Variants in SLC36A1 observed in about 807,000 individuals in gnomAD.
SLC36A1 encodes proton-coupled amino acid transporter 1.
A neutral mutation model predicts 47.5 loss-of-function variants in SLC36A1; 30 were observed. The ratio of observed to expected loss-of-function variants is 0.63; its 90% CI spans 0.47 to 0.86. The LOEUF (loss-of-function observed/expected upper bound fraction) is 0.86. SLC36A1 is among the 40% of genes least tolerant of loss of function. The pLI is 0.00. For synonymous variants in SLC36A1, 255 were observed against 249.7 expected (o/e 1.02, Z -0.20); for missense variants, 517 against 606.0 (o/e 0.85, Z 1.54).
chr5:151,507,924 G>A, the SLC36A1 span, among the ~76,000 whole-genome samples: 1 of 152,168 alleles, frequency 6.6e-6, no homozygotes, highest in Non-Finnish European at 1.5e-5. Flanking sequence ...TATCACTGCA[G>A]TAGAGACATC....
At chr5:151,468,677 G>A (rs900661193) in intron 7 of SLC36A1, among the ~76,000 whole-genome samples, 29 of 151,770 alleles carry the variant, frequency 1.9e-4, no homozygotes, top group African/African-American at 5.6e-4. Context: ...TCCAGACATT[G>A]CCAAACCTTC....
chr5:151,459,894 G>A (rs1755254565), intron 2 of SLC36A1: 1 of 152,232 alleles, frequency 6.6e-6, no homozygotes, highest in African/African-American at 2.4e-5. Flanking sequence ...GCGAACTGGG[G>A]TGGAACTAGA....
At chr5:151,517,073 A>C in the SLC36A1 span, among the ~76,000 whole-genome samples, 1 of 151,170 alleles carries the variant, frequency 6.6e-6, no homozygotes, top group East Asian at 1.9e-4. Flanking sequence ...ACACCACTGC[A>C]CTCCAGCCTC....
chr5:151,545,131 T>C, the SLC36A1 span: 1 of 1,614,164 alleles, frequency 6.2e-7, no homozygotes. Context: ...GGAAAGGGTG[T>C]CATTCAAATG....
At chr5:151,385,154 G>A in the SLC36A1 span, among the ~76,000 whole-genome samples, 3 of 151,992 alleles carry the variant, frequency 2.0e-5, no homozygotes, top group Admixed American at 1.3e-4. Context: ...TGAGTACCAC[G>A]CTTTTTGAAT....
the SLC36A1 span, among the ~76,000 whole-genome samples, chr5:151,395,343 C>T: frequency 6.6e-6 from 1 of 152,240 alleles, no homozygotes; most frequent in Admixed American, 6.5e-5. Flanking sequence ...TCCCTGACCC[C>T]TTGCGCTTCC....
the SLC36A1 span, chr5:151,517,542 G>T: frequency 6.4e-7 from 1 of 1,557,802 alleles, no homozygotes. Context: ...TGGGCTTCCT[G>T]ACATTCCTCA....
chr5:151,525,897 G>T, the SLC36A1 span: 5 of 1,614,170 alleles, frequency 3.1e-6, no homozygotes, highest in Admixed American at 8.3e-5. Flanking sequence ...AGTAGGGGGG[G>T]CCATTCTCTG....
chr5:151,367,800 G>A, the SLC36A1 span, among the ~76,000 whole-genome samples: 5 of 152,100 alleles, frequency 3.3e-5, no homozygotes, highest in Admixed American at 1.3e-4. Flanking sequence ...AGCTTCAGCC[G>A]GTCCCTCTGT....
chr5:151,522,048 C>T, the SLC36A1 span: 17 of 1,604,634 alleles, frequency 1.1e-5, no homozygotes, highest in Middle Eastern at 1.7e-4. Context: ...CACGGACAGA[C>T]GTCAAAGACG....
At chr5:151,396,101 T>C in the SLC36A1 span, among the ~76,000 whole-genome samples, 50 of 151,616 alleles carry the variant, frequency 3.3e-4, no homozygotes, top group African/African-American at 1.2e-3. Flanking sequence ...TGAGCCACTG[T>C]ACCTGGACTT....
At position 151,473,523 on chromosome 5, in the gene SLC36A1, C is replaced by T. The variant is rs185962556; in HGVS notation, c.724-150C>T. 2.5e-4 allele frequency: 152 copies of T among 605,648 alleles called. No individual in the cohort carries two copies. In the African/African-American group the frequency reaches 2.7e-3, roughly 11 times the overall value. The allele number at this position is 605,648 out of a possible 1,614,324, so 37.5% of individuals were successfully genotyped here. ...AGAAAAACATACAAAGGTTAAATGT[C>T]CCTAAATCATCTGTCAGGTATTAGA... On this transcript the variant is annotated intron_variant, in intron 7 of 10. Transcript: ENST00000243389.
the SLC36A1 span, among the ~76,000 whole-genome samples, chr5:151,351,382 C>CAA: frequency 3.1e-5 from 4 of 128,050 alleles, no homozygotes; most frequent in Non-Finnish European, 5.0e-5. Flanking sequence ...AACTCTGTCT[C>CAA]AAAAAAAAAA....
chr5:151,437,138 C>G (rs2127437715), exon 1 of SLC36A1: 1 of 152,306 alleles, frequency 6.6e-6, no homozygotes, highest in Middle Eastern at 3.4e-3. Context: ...CTAGTTGGCC[C>G]TATCTTGTGC....
chr5:151,352,054 CT>C, the SLC36A1 span, among the ~76,000 whole-genome samples: 1 of 152,150 alleles, frequency 6.6e-6, no homozygotes, highest in South Asian at 2.1e-4. Flanking sequence ...AAATTTTGTC[CT>C]TTCCCTCCTT....
At chr5:151,417,637 C>T in the SLC36A1 span, among the ~76,000 whole-genome samples, 2 of 152,158 alleles carry the variant, frequency 1.3e-5, no homozygotes, top group Non-Finnish European at 1.5e-5. Flanking sequence ...CTCTTGAAAG[C>T]ATTCAGTTTT....
the SLC36A1 span, among the ~76,000 whole-genome samples, chr5:151,404,856 A>T: frequency 6.6e-6 from 1 of 152,120 alleles, no homozygotes; most frequent in Non-Finnish European, 1.5e-5. Flanking sequence ...TTTCTCATTG[A>T]CCTTGAAAGT....
chr5:151,433,047 C>G (rs1759460739), upstream of SLC36A1, among the ~76,000 whole-genome samples: 1 of 150,960 alleles, frequency 6.6e-6, no homozygotes. Flanking sequence ...GAGTTTGTGG[C>G]AGTTTGTTAC....
At chr5:151,521,457 A>G in the SLC36A1 span, 4 of 1,614,142 alleles carry the variant, frequency 2.5e-6, no homozygotes, top group African/African-American at 2.7e-5. Flanking sequence ...CCCCCACTGA[A>G]TGCTCCATCT....
Sources: gnomAD v4.1 joint callset for allele counts (sites outside exome capture counted in the v4.1 genomes callset) on GRCh38, gnomAD v4.1.1 for gene constraint, MANE v1.5 for transcripts, NCBI Gene and HGNC (gene_info 2026-07-23, HGNC 2026-07-21) for gene names.